Variants in AEBP2 observed in about 807,000 individuals in gnomAD.
AEBP2 encodes the protein AE binding protein 2.
In AEBP2, 10 loss-of-function variants were observed where a neutral mutation model predicts 50.8. That is an observed-to-expected ratio of 0.20 (90% confidence interval 0.12 to 0.33). The LOEUF is 0.33. AEBP2 is among the 10% of genes least tolerant of loss of function. AEBP2 has a pLI of 1.00. For missense variants in AEBP2, 570 were observed against 688.0 expected (o/e 0.83, Z 1.92); for synonymous variants, 296 against 261.3 (o/e 1.13, Z -1.28).
intron 5 of AEBP2, among the ~76,000 whole-genome samples, chr12:19,505,933 G>A (rs1335719492): frequency 6.6e-6 from 1 of 151,592 alleles, no homozygotes; most frequent in Non-Finnish European, 1.5e-5. Flanking sequence ...ACACCACGAT[G>A]CCTGGCTAAT....
chr12:19,412,744 A>G (rs2095739997), intron 1 of AEBP2, among the ~76,000 whole-genome samples: 2 of 152,190 alleles, frequency 1.3e-5, no homozygotes, highest in South Asian at 4.1e-4. Context: ...AGGGGTCCCG[A>G]ACAAGACCCT....
chr12:19,451,597 T>G (rs1476853329), intron 1 of AEBP2, among the ~76,000 whole-genome samples: 1 of 152,106 alleles, frequency 6.6e-6, no homozygotes, highest in Non-Finnish European at 1.5e-5. Flanking sequence ...CCTGATTAAA[T>G]TCAAGGGGAG....
chr12:19,412,266 A>AT lies in AEBP2; in HGVS notation c.-17+8057dup, dbSNP rs2095739656. Among the ~76,000 whole-genome samples, 4 of 152,108 alleles carry AT rather than the reference A, an allele frequency of 2.6e-5. No homozygotes were observed. In the South Asian group the frequency reaches 8.3e-4, roughly 32 times the overall value. ...CATATTTTGATTCCCAAAGTTTTTT[A>AT]TTTTTTTAATTTTTTTTATCTTTTA... is the stretch of plus-strand genomic sequence containing the variant. On this transcript the variant is annotated intron_variant, in intron 1 of 3. Transcript: ENST00000538425.
intron 2 of AEBP2, among the ~76,000 whole-genome samples, chr12:19,467,890 A>T (rs1219189958): frequency 6.6e-6 from 1 of 151,982 alleles, no homozygotes; most frequent in African/African-American, 2.4e-5. Flanking sequence ...GTTGAGAGGC[A>T]AAGCGAGGAG....
At chr12:19,495,714 A>T (rs1948968324) in intron 4 of AEBP2, among the ~76,000 whole-genome samples, 1 of 151,156 alleles carries the variant, frequency 6.6e-6, no homozygotes, top group Non-Finnish European at 1.5e-5. Flanking sequence ...GCTAGTTTTT[A>T]TTTTTGGAAG....
At chr12:19,497,092 T>C (rs1308018161) in intron 4 of AEBP2, among the ~76,000 whole-genome samples, 1 of 151,776 alleles carries the variant, frequency 6.6e-6, no homozygotes, top group Non-Finnish European at 1.5e-5. Flanking sequence ...GTATAATAAA[T>C]ACTTGTATTG....
intron 3 of AEBP2, among the ~76,000 whole-genome samples, chr12:19,484,070 TTTTG>T (rs1224139587): frequency 6.6e-5 from 10 of 152,072 alleles, no homozygotes; most frequent in East Asian, 3.9e-4. Context: ...CATTACATCT[TTTTG>T]TTTGTTTGTT....
At chr12:19,511,964 C>T (rs1336644174) in intron 5 of AEBP2, among the ~76,000 whole-genome samples, 2 of 152,058 alleles carry the variant, frequency 1.3e-5, no homozygotes, top group Non-Finnish European at 2.9e-5. Context: ...CAGGGAAGAA[C>T]TACAAAGCAG....
intron 3 of AEBP2, among the ~76,000 whole-genome samples, chr12:19,486,319 A>G (rs1022262041): frequency 6.6e-6 from 1 of 152,192 alleles, no homozygotes. Flanking sequence ...GCTCTGTAGT[A>G]TTCCACTGTA....
intron 4 of AEBP2, 66 bp downstream of exon 4, chr12:19,494,052 C>G: frequency 6.9e-7 from 1 of 1,452,680 alleles, no homozygotes; most frequent in Non-Finnish European, 9.2e-7. Context: ...GACTTTTATG[C>G]AAATCCACTT....
chr12:19,502,846 C>G (rs1032059395), intron 5 of AEBP2, among the ~76,000 whole-genome samples: 2 of 152,088 alleles, frequency 1.3e-5, no homozygotes, highest in Non-Finnish European at 2.9e-5. Context: ...TGGGGTTTCT[C>G]CACGTTGGTC....
intron 3 of AEBP2, among the ~76,000 whole-genome samples, chr12:19,486,238 G>T (rs2120387691): frequency 6.6e-6 from 1 of 152,014 alleles, no homozygotes; most frequent in East Asian, 1.9e-4. Flanking sequence ...CTTGTATCTG[G>T]CTTTTTGTTC....
chr12:19,456,983 A>G (rs1404717902), intron 1 of AEBP2: 3 of 1,580,918 alleles, frequency 1.9e-6, no homozygotes, highest in Admixed American at 3.3e-5. Context: ...CCATCCTTAC[A>G]GGAGGATTTT....
At chr12:19,444,288 C>A (rs1381624684) in intron 1 of AEBP2, among the ~76,000 whole-genome samples, 1 of 152,076 alleles carries the variant, frequency 6.6e-6, no homozygotes, top group African/African-American at 2.4e-5. Flanking sequence ...TGTTACTGAA[C>A]GTGTATTTAT....
intron 5 of AEBP2, among the ~76,000 whole-genome samples, chr12:19,506,844 A>G (rs1036291954): frequency 2.0e-5 from 3 of 152,154 alleles, no homozygotes; most frequent in Non-Finnish European, 4.4e-5. Flanking sequence ...AGAATTATGG[A>G]TGGATGAGAT....
intron 1 of AEBP2, among the ~76,000 whole-genome samples, chr12:19,407,175 G>A (rs2095736755): frequency 6.6e-6 from 1 of 152,112 alleles, no homozygotes; most frequent in African/African-American, 2.4e-5. Flanking sequence ...GTGCACACCT[G>A]TAGTCCCAGC....
chr12:19,441,860 A>C (rs369274011), intron 1 of AEBP2, among the ~76,000 whole-genome samples: 29 of 152,256 alleles, frequency 1.9e-4, no homozygotes, highest in African/African-American at 6.5e-4. Flanking sequence ...TTAGTTTATA[A>C]AATCAGCGTT....
intron 1 of AEBP2, among the ~76,000 whole-genome samples, chr12:19,450,655 T>G (rs3983585): frequency 0.29 from 36,316 of 125,286 alleles, 5,982 homozygotes; most frequent in African/African-American, 0.51. Context: ...CAAAGTGAGA[T>G]CCCATCTCTA....
intron 4 of AEBP2, among the ~76,000 whole-genome samples, chr12:19,495,607 T>A (rs574125858): frequency 6.6e-6 from 1 of 151,512 alleles, no homozygotes; most frequent in South Asian, 2.1e-4. Context: ...AGTAGTGAGA[T>A]CATGGCTTAC....
Sources: gnomAD v4.1 joint callset for allele counts (sites outside exome capture counted in the v4.1 genomes callset) on GRCh38, gnomAD v4.1.1 for gene constraint, MANE v1.5 for transcripts, NCBI Gene and HGNC (gene_info 2026-07-23, HGNC 2026-07-21) for gene names.